Variants in CNTN1 observed in about 807,000 individuals in gnomAD.
CNTN1 encodes the protein contactin 1, also known as contactin-1.
A neutral mutation model predicts 126.4 loss-of-function variants in CNTN1; 38 were observed. The ratio of observed to expected loss-of-function variants is 0.30; its 90% CI spans 0.23 to 0.39. The LOEUF (loss-of-function observed/expected upper bound fraction) is 0.39. CNTN1 is among the 10% of genes least tolerant of loss of function. The pLI is 1.00. For missense variants in CNTN1, 1,009 were observed against 1,248.4 expected, an observed-to-expected ratio of 0.81 and a Z score of 2.89; for synonymous variants, 413 against 422.6, an observed-to-expected ratio of 0.98 and a Z score of 0.28.
intron 1 of CNTN1, among the ~76,000 whole-genome samples, chr12:40,720,183 A>T (rs955964089): frequency 1.3e-5 from 2 of 151,808 alleles, no homozygotes; most frequent in African/African-American, 4.8e-5. Context: ...TCTACTCATG[A>T]CTAGTCTAAG....
rs532072666 is a variant in CNTN1, at chr12:41,032,252, C to G, written c.2980+3033C>G. Reference sequence around the variant, plus strand: ...AAAACACAAATCAAATCATATAACTCTCCTGTTAGAAAGATGGCTCACAGG... The same window carrying G: ...AAAACACAAATCAAATCATATAACTGTCCTGTTAGAAAGATGGCTCACAGG... On this transcript the variant is annotated intron_variant, in intron 23 of 23. Transcript: ENST00000551295. Among the ~76,000 whole-genome samples, 3 of 151,938 alleles carry G rather than the reference C, an allele frequency of 2.0e-5. No homozygotes were observed. In the South Asian group the frequency reaches 6.2e-4, roughly 32 times the overall value.
chr12:40,760,669 T>C (rs888934987), intron 1 of CNTN1, among the ~76,000 whole-genome samples: 7 of 152,192 alleles, frequency 4.6e-5, no homozygotes, highest in Admixed American at 6.5e-5. Context: ...TATTTTCTAA[T>C]TACCCAAAAT....
At chr12:40,993,008 C>A (rs1948129145) in intron 16 of CNTN1, 112 bp from the exon 17 acceptor site, 3 of 935,336 alleles carry the variant, frequency 3.2e-6, no homozygotes, top group African/African-American at 3.3e-5. Flanking sequence ...GTTTTTACTT[C>A]AACTCAGTGT....
chr12:40,936,820 T>C lies in CNTN1; in HGVS notation c.1025T>C (p.Val342Ala), dbSNP rs1333088339. 1.2e-6 allele frequency: 2 copies of C among 1,613,346 alleles called. No homozygotes were observed. Among genetic ancestry groups the C allele is most frequent in the Middle Eastern group, 1.7e-4 (1 of 6,050 alleles). ...EWVEHINDTE[V>A]DIGSDLYWPC... ...GTAGAACACATCAATGACACAGAGG[T>C]GGACATAGGCAGTGATCTCTACTGG... Residue 342 changes from valine (V) to alanine (A), a missense_variant, in exon 10 of 24, where the codon GTG becomes GCG. Val to Ala is a moderately conservative substitution (Grantham distance 64). Coordinates refer to ENST00000551295, the MANE Select transcript of CNTN1 (RefSeq NM_001843.4).
At chr12:41,028,071 A>C in intron 22 of CNTN1, 102 bp downstream of exon 22, 1 of 816,502 alleles carries the variant, frequency 1.2e-6, no homozygotes, top group Non-Finnish European at 2.1e-6. Context: ...TTGCTCTGTC[A>C]CCCAGACCGG....
intron 23 of CNTN1, among the ~76,000 whole-genome samples, chr12:41,031,161 G>T (rs1376815125): frequency 6.6e-6 from 1 of 152,176 alleles, no homozygotes; most frequent in Non-Finnish European, 1.5e-5. Context: ...ATGTAGCAGT[G>T]ATGGTAACAT....
At chr12:40,761,815 G>A (rs10219699) in intron 1 of CNTN1, among the ~76,000 whole-genome samples, 29,029 of 152,016 alleles carry the variant, frequency 0.19, 3,057 homozygotes, top group African/African-American at 0.26. Context: ...CTTTAGAATA[G>A]GCTAAACTTC....
chr12:41,016,599 C>A, intron 18 of CNTN1, 83 bp from the exon 19 acceptor site: 1 of 860,918 alleles, frequency 1.2e-6, no homozygotes, highest in Non-Finnish European at 2.0e-6. Flanking sequence ...GAGCACGCCT[C>A]CGTGTGTGTC....
At chr12:40,740,750 G>T (rs1479899855) in intron 1 of CNTN1, among the ~76,000 whole-genome samples, 1 of 152,050 alleles carries the variant, frequency 6.6e-6, no homozygotes, top group African/African-American at 2.4e-5. Context: ...AATTATGGGG[G>T]TGGGTTTTCC....
chr12:40,999,855 A>ACCACGC (rs1339596869), intron 17 of CNTN1, among the ~76,000 whole-genome samples: 1 of 151,492 alleles, frequency 6.6e-6, no homozygotes, highest in Non-Finnish European at 1.5e-5. Flanking sequence ...GGCGCTCACC[A>ACCACGC]CCACGCCCAG....
At chr12:40,727,408 G>A (rs774448557) in intron 1 of CNTN1, among the ~76,000 whole-genome samples, 2 of 151,246 alleles carry the variant, frequency 1.3e-5, no homozygotes, top group South Asian at 2.1e-4. Flanking sequence ...TAGAGGATTC[G>A]TTTTATAAAT....
Position 40,717,707 on chromosome 12 carries a change from A to C in CNTN1, c.-77+25115A>C, listed in dbSNP as rs557475604. On this transcript the variant is annotated intron_variant, in intron 1 of 23. Coordinates refer to ENST00000551295, the MANE Select transcript of CNTN1 (RefSeq NM_001843.4). ...TGTAGAAATATAGTTTTGTTTTTCT[A>C]GCATTGGTTAAGTTGAAGCTTTAGA... 5.2e-4 allele frequency among the ~76,000 whole-genome samples: 79 copies of C among 152,316 alleles called. 2 individuals are homozygous for C. The South Asian group carries it at 0.016, about 30-fold the overall frequency.
At chr12:40,752,867 G>A (rs1471309630) in intron 1 of CNTN1, among the ~76,000 whole-genome samples, 8 of 151,902 alleles carry the variant, frequency 5.3e-5, no homozygotes, top group African/African-American at 1.7e-4. Context: ...AAGGTACTAA[G>A]GTAATGAGAT....
At chr12:41,015,288 A>G (rs1566147170) in intron 18 of CNTN1, among the ~76,000 whole-genome samples, 1 of 152,182 alleles carries the variant, frequency 6.6e-6, no homozygotes, top group Admixed American at 6.5e-5. Flanking sequence ...TAAAAATTAG[A>G]ACATTTCGCT....
At chr12:40,754,568 T>C (rs1380341775) in intron 1 of CNTN1, among the ~76,000 whole-genome samples, 1 of 152,100 alleles carries the variant, frequency 6.6e-6, no homozygotes, top group Non-Finnish European at 1.5e-5. Flanking sequence ...AAAGCGCATA[T>C]ACAGAGAGCA....
chr12:40,913,683 A>G (rs984327489), intron 3 of CNTN1, among the ~76,000 whole-genome samples: 3 of 152,212 alleles, frequency 2.0e-5, no homozygotes, highest in Admixed American at 1.3e-4. Flanking sequence ...GAATAGCAAT[A>G]TTATAGTGGA....
intron 1 of CNTN1, among the ~76,000 whole-genome samples, chr12:40,697,364 CA>C (rs761482459): frequency 6.6e-6 from 1 of 152,040 alleles, no homozygotes; most frequent in Non-Finnish European, 1.5e-5. Context: ...TGGATGAGTT[CA>C]AAAATGTTAT....
At chr12:40,949,426 T>TC (rs1167326797) in intron 14 of CNTN1, among the ~76,000 whole-genome samples, 3 of 44,752 alleles carry the variant, frequency 6.7e-5, no homozygotes, top group African/African-American at 2.6e-4. Context: ...CTACCCCCCC[T>TC]CCCCCCACCC....
chr12:40,782,938 T>C (rs989201659), intron 1 of CNTN1, among the ~76,000 whole-genome samples: 2 of 151,816 alleles, frequency 1.3e-5, no homozygotes, highest in African/African-American at 4.8e-5. Flanking sequence ...ATAAAGGAAA[T>C]AAATATGACA....
Sources: gnomAD v4.1 joint callset for allele counts (sites outside exome capture counted in the v4.1 genomes callset) on GRCh38, gnomAD v4.1.1 for gene constraint, MANE v1.5 for transcripts, NCBI Gene and HGNC (gene_info 2026-07-23, HGNC 2026-07-21) for gene names.